Variants in ABCD3 observed in about 807,000 individuals in gnomAD.
ABCD3 encodes the protein ATP binding cassette subfamily D member 3.
In ABCD3, 41 loss-of-function variants were observed where a neutral mutation model predicts 105.5. The observed-to-expected ratio is 0.39, with a 90% confidence interval of 0.30 to 0.50. The LOEUF is 0.50. Ranked by LOEUF, ABCD3 falls within the 20% of genes least tolerant of loss-of-function variation. ABCD3 has a pLI of 0.84. For synonymous variants in ABCD3, 258 were observed against 269.0 expected (o/e 0.96, Z 0.40); for missense variants, 622 against 806.3 (o/e 0.77, Z 2.77).
intron 20 of ABCD3, among the ~76,000 whole-genome samples, chr1:94,501,945 A>G (rs1473312687): frequency 6.6e-6 from 1 of 151,674 alleles, no homozygotes; most frequent in Non-Finnish European, 1.5e-5. Context: ...TAGAATATTA[A>G]TCCTTCCCTT....
At chr1:94,386,636 AC>A in the ABCD3 span, among the ~76,000 whole-genome samples, 1 of 152,260 alleles carries the variant, frequency 6.6e-6, no homozygotes, top group Non-Finnish European at 1.5e-5. Flanking sequence ...TAGTATAATA[AC>A]TTTTTATACT....
intron 1 of ABCD3, among the ~76,000 whole-genome samples, chr1:94,449,290 G>C (rs1341650111): frequency 6.6e-6 from 1 of 152,166 alleles, no homozygotes; most frequent in Non-Finnish European, 1.5e-5. Context: ...ATCGAACATA[G>C]CCACCTACTT....
At chr1:94,435,289 C>T (rs1054887825) in intron 1 of ABCD3, among the ~76,000 whole-genome samples, 2 of 152,102 alleles carry the variant, frequency 1.3e-5, no homozygotes, top group African/African-American at 4.8e-5. Context: ...CCTGTAATCC[C>T]AGCACTTTGG....
Position 94,506,368 on chromosome 1 carries a change from C to T in ABCD3, c.1741-170C>T, listed in dbSNP as rs187694582. 8.7e-4 allele frequency among the ~76,000 whole-genome samples: 132 copies of T among 152,182 alleles called. 2 individuals are homozygous for T. In the East Asian group the frequency reaches 0.024, roughly 28 times the overall value. Reference sequence around the variant, plus strand: ...CCTTTGTTCAGGATGACAGCAAAAACAGTTATGTTTATATTGTTTCTATTT... The same window carrying T: ...CCTTTGTTCAGGATGACAGCAAAAATAGTTATGTTTATATTGTTTCTATTT... On this transcript the variant is annotated intron_variant, in intron 20 of 22. Transcript: ENST00000370214.
At chr1:94,497,023 G>A (rs1452250736) in intron 16 of ABCD3, among the ~76,000 whole-genome samples, 1 of 151,920 alleles carries the variant, frequency 6.6e-6, no homozygotes, top group Non-Finnish European at 1.5e-5. Flanking sequence ...GGCTAGAACA[G>A]TCTTCTTTTA....
intron 21 of ABCD3, among the ~76,000 whole-genome samples, chr1:94,508,932 C>G (rs939454293): frequency 1.3e-5 from 2 of 152,168 alleles, no homozygotes; most frequent in African/African-American, 4.8e-5. Context: ...CATCTGCAAA[C>G]AGGGACAATT....
At chr1:94,441,933 A>G (rs1378062724) in intron 1 of ABCD3, among the ~76,000 whole-genome samples, 1 of 152,178 alleles carries the variant, frequency 6.6e-6, no homozygotes, top group African/African-American at 2.4e-5. Flanking sequence ...AGAAATTGGA[A>G]TAAGGTCTGA....
At chr1:94,464,739 T>C (rs776148924) in intron 2 of ABCD3, 36 bp from the exon 3 acceptor site, 6 of 1,507,072 alleles carry the variant, frequency 4.0e-6, no homozygotes, top group South Asian at 3.4e-5. Context: ...ATGTTTGTTA[T>C]AGCTATCTTA....
In ABCD3 at chr1:94,517,215, G is replaced by T; in HGVS notation, c.*86G>T. 1 of 1,037,500 alleles carries T rather than the reference G, an allele frequency of 9.6e-7. No homozygotes were observed. Among genetic ancestry groups the T allele is most frequent in the Admixed American group, 1.9e-5 (1 of 51,288 alleles). 64.3% of individuals were successfully genotyped at this position (1,037,500 alleles called of 1,614,324 possible). Reference sequence around the variant, plus strand: ...AAAGTACATTGTAAAATAAAGTTGAGCTTAGTTTTTTTTAAAAAAAAAAAC... The same window carrying T: ...AAAGTACATTGTAAAATAAAGTTGATCTTAGTTTTTTTTAAAAAAAAAAAC... On this transcript the variant is annotated 3_prime_UTR_variant, in exon 23 of 23. Coordinates refer to ENST00000370214, the MANE Select transcript of ABCD3 (RefSeq NM_002858.4).
chr1:94,437,572 A>G (rs1486698853), intron 1 of ABCD3, among the ~76,000 whole-genome samples: 1 of 152,234 alleles, frequency 6.6e-6, no homozygotes, highest in Admixed American at 6.5e-5. Flanking sequence ...CTGGTCACCC[A>G]AGAGCTCTAG....
chr1:94,442,625 C>T (rs1182444960), intron 1 of ABCD3, among the ~76,000 whole-genome samples: 2 of 152,102 alleles, frequency 1.3e-5, no homozygotes, highest in Non-Finnish European at 2.9e-5. Flanking sequence ...ACCCCGCCAC[C>T]CTCCCACCTT....
the ABCD3 span, among the ~76,000 whole-genome samples, chr1:94,393,716 A>AAT: frequency 6.6e-6 from 1 of 152,112 alleles, no homozygotes; most frequent in Non-Finnish European, 1.5e-5. Flanking sequence ...AATTCAGTTG[A>AAT]ATATATATAT....
chr1:94,427,734 C>T lies in ABCD3; in HGVS notation c.110+9146C>T, dbSNP rs80009887. 9.0e-3 allele frequency among the ~76,000 whole-genome samples: 1,365 copies of T among 152,308 alleles called. 24 individuals are homozygous for T. The highest frequency in any genetic ancestry group is 0.031 in the African/African-American group (1,306 of 41,574). On this transcript the variant is annotated intron_variant, in intron 1 of 22. Coordinates refer to ENST00000370214, the MANE Select transcript of ABCD3 (RefSeq NM_002858.4). Reference sequence around the variant, plus strand: ...CAAGCGATCGCCTGCCTTGTTCTCCCAAAAGTATCAGGATTACAGGCATGA... The same window carrying T: ...CAAGCGATCGCCTGCCTTGTTCTCCTAAAAGTATCAGGATTACAGGCATGA...
At chr1:94,469,315 A>G (rs545289504) in intron 4 of ABCD3, among the ~76,000 whole-genome samples, 3 of 152,118 alleles carry the variant, frequency 2.0e-5, no homozygotes, top group South Asian at 2.1e-4. Flanking sequence ...CATCTTCTCA[A>G]TGTTTTATAT....
chr1:94,451,471 C>T (rs1286455072), intron 1 of ABCD3, among the ~76,000 whole-genome samples: 2 of 152,176 alleles, frequency 1.3e-5, no homozygotes, highest in Non-Finnish European at 2.9e-5. Flanking sequence ...TCCTTGAGAA[C>T]ACATTCTAAA....
At chr1:94,493,838 G>A (rs1194170355) in intron 16 of ABCD3, among the ~76,000 whole-genome samples, 4 of 151,830 alleles carry the variant, frequency 2.6e-5, no homozygotes, top group East Asian at 1.9e-4. Flanking sequence ...GTAAACTATC[G>A]CAAGGACAAA....
At chr1:94,438,141 G>A (rs545863057) in intron 1 of ABCD3, among the ~76,000 whole-genome samples, 4 of 152,104 alleles carry the variant, frequency 2.6e-5, no homozygotes, top group African/African-American at 9.6e-5. Context: ...CAAAAAATTA[G>A]CCGGGTGTGG....
Position 94,435,797 on chromosome 1 carries a change from A to G in ABCD3, c.110+17209A>G, listed in dbSNP as rs1659880741. 4.6e-5 allele frequency among the ~76,000 whole-genome samples: 7 copies of G among 151,342 alleles called. No homozygotes were observed. The South Asian group carries it at 1.4e-3, about 31-fold the overall frequency. On this transcript the variant is annotated intron_variant, in intron 1 of 22. Transcript: ENST00000370214. Reference sequence around the variant, plus strand: ...TTCATTTACCAGTTATCAAAATAATATGTTAATTTCGTGTTATTACCTAAA... The same window carrying G: ...TTCATTTACCAGTTATCAAAATAATGTGTTAATTTCGTGTTATTACCTAAA...
chr1:94,478,167 T>C (rs547389266), intron 7 of ABCD3, 92 bp from the exon 8 acceptor site: 1 of 788,996 alleles, frequency 1.3e-6, no homozygotes, highest in Admixed American at 2.1e-5. Flanking sequence ...ATATATTAAA[T>C]GTTTAATGAC....
Sources: gnomAD v4.1 joint callset for allele counts (sites outside exome capture counted in the v4.1 genomes callset) on GRCh38, gnomAD v4.1.1 for gene constraint, MANE v1.5 for transcripts, NCBI Gene and HGNC (gene_info 2026-07-23, HGNC 2026-07-21) for gene names.